Variants in TRHDE observed in about 807,000 individuals in gnomAD.
TRHDE encodes the protein thyrotropin releasing hormone degrading enzyme.
Under a neutral mutation model 125.7 loss-of-function variants are expected in TRHDE, and 72 were observed. The ratio of observed to expected loss-of-function variants is 0.57; its 90% CI spans 0.47 to 0.70. The LOEUF (loss-of-function observed/expected upper bound fraction) is 0.70, where lower values mean the gene tolerates loss of function less well. Among genes scored for constraint, TRHDE ranks in the 30% least tolerant of loss-of-function variants. The pLI is 0.00. For synonymous variants in TRHDE, 509 were observed against 509.1 expected (o/e 1.00, Z 0.00); for missense variants, 1,110 against 1,327.1 (o/e 0.84, Z 2.54).
rs1325718095 is a variant in TRHDE, at chr12:72,595,118, TG to T, written c.2321+19582del. On this transcript the variant is annotated intron_variant, in intron 12 of 18. Transcript: ENST00000261180. ...TCACACTCTGGGGACTGTTGTGGGG[TG>T]GGGGGAGGGGGGAGGGATAGCATTA... 2.2e-4 allele frequency among the ~76,000 whole-genome samples: 12 copies of T among 53,548 alleles called. 1 individual carries two copies. In the Admixed American group the frequency reaches 3.0e-3, roughly 13 times the overall value. 35.1% of individuals were successfully genotyped at this position (53,548 alleles called of 152,430 possible). A position where few individuals can be genotyped will look rare whatever the true frequency, so the allele number is the denominator to read the frequency against.
At chr12:72,284,066 C>G (rs1253034735) in intron 1 of TRHDE, among the ~76,000 whole-genome samples, 2 of 151,974 alleles carry the variant, frequency 1.3e-5, no homozygotes, top group Admixed American at 6.6e-5. Context: ...AAACCCAAAA[C>G]TTTTTGAGTA....
intron 15 of TRHDE, among the ~76,000 whole-genome samples, chr12:72,640,182 C>A (rs1158753890): frequency 6.6e-6 from 1 of 152,242 alleles, no homozygotes; most frequent in African/African-American, 2.4e-5. Flanking sequence ...ACCCTCCGAG[C>A]CAGGTGCGGG....
chr12:72,287,855 A>G (rs1007362222), intron 2 of TRHDE, among the ~76,000 whole-genome samples: 1 of 152,140 alleles, frequency 6.6e-6, no homozygotes, highest in African/African-American at 2.4e-5. Flanking sequence ...ATGTTGAATT[A>G]ACAATTTTTT....
chr12:72,604,835 T>C (rs989023383), intron 12 of TRHDE, among the ~76,000 whole-genome samples: 13 of 152,058 alleles, frequency 8.5e-5, no homozygotes, highest in African/African-American at 3.1e-4. Context: ...GAGACTGTTA[T>C]TAAAATTAAT....
chr12:72,583,360 G>A (rs1210549983), intron 12 of TRHDE, among the ~76,000 whole-genome samples: 1 of 152,082 alleles, frequency 6.6e-6, no homozygotes, highest in Non-Finnish European at 1.5e-5. Flanking sequence ...ACAGTGAATC[G>A]TTCCAGGAGC....
intron 6 of TRHDE, among the ~76,000 whole-genome samples, chr12:72,514,210 T>C (rs988290559): frequency 2.6e-5 from 4 of 152,018 alleles, no homozygotes; most frequent in African/African-American, 9.7e-5. Context: ...AAAAAACCAA[T>C]TTACAGTCAA....
At position 72,593,305 on chromosome 12, in the gene TRHDE, G is replaced by A. The variant is rs1254787121; in HGVS notation, c.2321+17763G>A. Among the ~76,000 whole-genome samples, 4 of 152,234 alleles carry A rather than the reference G, an allele frequency of 2.6e-5. No homozygotes were observed. The South Asian group carries it at 8.3e-4, about 32-fold the overall frequency. On this transcript the variant is annotated intron_variant, in intron 12 of 18. Coordinates refer to ENST00000261180, the MANE Select transcript of TRHDE (RefSeq NM_013381.3). ...ATAAAGTGTCTAAGGTTCAGAAAGG[G>A]TAAACTTGTTTGCACAACTTTCAAT...
At position 72,357,543 on chromosome 12, in the gene TRHDE, C is replaced by A. The variant is rs369579088; in HGVS notation, c.1189-20452C>A. ...ATGTTGTGACAAATGGCAGGATCTC[C>A]TCCTTTTTAAAGACTGAATAATATT... On this transcript the variant is annotated intron_variant, in intron 2 of 18. Transcript: ENST00000261180. 4.0e-5 allele frequency among the ~76,000 whole-genome samples: 6 copies of A among 151,574 alleles called. No individual in the cohort carries two copies. In the South Asian group the frequency reaches 1.2e-3, roughly 31 times the overall value.
intron 1 of TRHDE, among the ~76,000 whole-genome samples, chr12:72,092,663 A>G (rs1409581460): frequency 6.6e-6 from 1 of 152,230 alleles, no homozygotes; most frequent in Non-Finnish European, 1.5e-5. Context: ...TCTGAGGCTA[A>G]CGGAGTGCAA....
chr12:72,443,241 C>A (rs1289796999), intron 3 of TRHDE, among the ~76,000 whole-genome samples: 1 of 143,728 alleles, frequency 7.0e-6, no homozygotes, highest in African/African-American at 2.6e-5. Flanking sequence ...TTTTCCACTA[C>A]TTTATGTGCT....
chr12:72,325,919 G>A (rs1869318948), intron 2 of TRHDE, among the ~76,000 whole-genome samples: 1 of 152,008 alleles, frequency 6.6e-6, no homozygotes. Flanking sequence ...CATTTGATGT[G>A]GTGTATTCAC....
intron 1 of TRHDE, among the ~76,000 whole-genome samples, chr12:72,282,877 T>A (rs1879746869): frequency 6.6e-6 from 1 of 152,170 alleles, no homozygotes; most frequent in Admixed American, 6.5e-5. Context: ...TCCAGAGACA[T>A]TTTTGCCCAT....
At chr12:72,311,855 A>T (rs1868557772) in intron 2 of TRHDE, among the ~76,000 whole-genome samples, 1 of 152,196 alleles carries the variant, frequency 6.6e-6, no homozygotes, top group South Asian at 2.1e-4. Context: ...GCTGTCTGCT[A>T]TAATAGCTTC....
At chr12:72,181,010 T>C (rs1877086284) in intron 2 of TRHDE, among the ~76,000 whole-genome samples, 1 of 152,170 alleles carries the variant, frequency 6.6e-6, no homozygotes, top group Admixed American at 6.5e-5. Context: ...ACCTGGTAAT[T>C]GTTGATGGCA....
intron 1 of TRHDE, among the ~76,000 whole-genome samples, chr12:72,280,075 A>G (rs904729564): frequency 6.6e-6 from 1 of 152,004 alleles, no homozygotes; most frequent in Non-Finnish European, 1.5e-5. Context: ...GTGTGTGTGT[A>G]TGTGTTTAGT....
chr12:72,517,061 T>A (rs1454321542), intron 6 of TRHDE, among the ~76,000 whole-genome samples: 1 of 151,830 alleles, frequency 6.6e-6, no homozygotes, highest in Non-Finnish European at 1.5e-5. Context: ...TTTTATTGAG[T>A]ATTTTGGCAT....
chr12:72,097,912 C>G lies in TRHDE; in HGVS notation n.175-7736C>G, dbSNP rs142682441. On this transcript the variant is annotated intron_variant and non_coding_transcript_variant, in intron 1 of 4. Coordinates refer to the TRHDE transcript ENST00000548156. The stretch of plus-strand genomic sequence containing the variant: ...AAAAGAGTATTGGGCTGTTTGTAGA[C>G]AGTCAAAAAATACTCATGGAATAAA... Among the ~76,000 whole-genome samples, 153 of 152,236 alleles carry G rather than the reference C, an allele frequency of 1.0e-3. 4 individuals carry two copies. In the East Asian group the frequency reaches 0.017, roughly 17 times the overall value.
At chr12:72,346,688 T>C (rs1403040890) in intron 2 of TRHDE, among the ~76,000 whole-genome samples, 1 of 152,086 alleles carries the variant, frequency 6.6e-6, no homozygotes, top group Non-Finnish European at 1.5e-5. Context: ...TCTCGTTTGC[T>C]GAATGAGTGA....
At chr12:72,229,484 A>G in intron 2 of TRHDE, among the ~76,000 whole-genome samples, 1 of 152,192 alleles carries the variant, frequency 6.6e-6, no homozygotes, top group Non-Finnish European at 1.5e-5. Flanking sequence ...GATTTGGGTG[A>G]GGACACAGCC....
Sources: gnomAD v4.1 joint callset for allele counts (sites outside exome capture counted in the v4.1 genomes callset) on GRCh38, gnomAD v4.1.1 for gene constraint, MANE v1.5 for transcripts, NCBI Gene and HGNC (gene_info 2026-07-23, HGNC 2026-07-21) for gene names.